The following SELENOF variants were observed in gnomAD, a reference collection of about 807,000 sequenced individuals.
SELENOF encodes the protein selenoprotein F.
A neutral mutation model predicts 20.5 loss-of-function variants in SELENOF; 16 were observed. That is an observed-to-expected ratio of 0.78 (90% CI 0.53 to 1.19). The LOEUF is 1.19. SELENOF is among the 50% of genes most tolerant of loss of function. The pLI is 0.00. For synonymous variants in SELENOF, 78 were observed against 74.5 expected (o/e 1.05, Z -0.24); for missense variants, 215 against 194.2 (o/e 1.11, Z -0.64).
At chr1:86,877,912 G>A (rs1570380707) in intron 3 of SELENOF, among the ~76,000 whole-genome samples, 1 of 152,062 alleles carries the variant, frequency 6.6e-6, no homozygotes, top group Admixed American at 6.6e-5. Flanking sequence ...GTCCTTTATA[G>A]AAAGTTTGCC....
chr1:86,870,276 A>AAG (rs956776163), intron 3 of SELENOF, among the ~76,000 whole-genome samples: 7 of 152,158 alleles, frequency 4.6e-5, no homozygotes, highest in African/African-American at 1.7e-4. Flanking sequence ...TATCTCACCT[A>AAG]ATCCTCCCCT....
intron 3 of SELENOF, among the ~76,000 whole-genome samples, chr1:86,878,081 T>C (rs1658970916): frequency 6.6e-6 from 1 of 152,172 alleles, no homozygotes; most frequent in Admixed American, 6.5e-5. Flanking sequence ...GAAATTATTA[T>C]AGACAGCCTT....
At chr1:86,903,032 G>A (rs1245968181) in intron 2 of SELENOF, among the ~76,000 whole-genome samples, 1 of 152,194 alleles carries the variant, frequency 6.6e-6, no homozygotes, top group Admixed American at 6.5e-5. Flanking sequence ...CAGGATCAAA[G>A]CATGTTATAG....
intron 3 of SELENOF, among the ~76,000 whole-genome samples, chr1:86,875,959 ATGT>A (rs1658913808): frequency 1.3e-5 from 2 of 152,242 alleles, no homozygotes; most frequent in South Asian, 4.1e-4. Context: ...AAGAGAAACC[ATGT>A]CATGGCGGGT....
intron 3 of SELENOF, among the ~76,000 whole-genome samples, chr1:86,874,838 T>C (rs148446491): frequency 3.3e-4 from 51 of 152,350 alleles, no homozygotes; most frequent in Middle Eastern, 3.4e-3. Flanking sequence ...AACAATGTCA[T>C]ACCATATCCA....
At chr1:86,863,859 G>T (rs1570367115) in intron 4 of SELENOF, among the ~76,000 whole-genome samples, 1 of 152,108 alleles carries the variant, frequency 6.6e-6, no homozygotes, top group East Asian at 1.9e-4. Context: ...CTGTCACCCA[G>T]GCTGCAGTGT....
chr1:86,911,228 C>T (rs1366128159), intron 1 of SELENOF, among the ~76,000 whole-genome samples: 2 of 152,198 alleles, frequency 1.3e-5, no homozygotes, highest in Non-Finnish European at 2.9e-5. Context: ...GAAGTGATTT[C>T]TCTACTAAGA....
chr1:86,900,643 G>A (rs1008916726), intron 2 of SELENOF, among the ~76,000 whole-genome samples: 1 of 151,358 alleles, frequency 6.6e-6, no homozygotes, highest in Non-Finnish European at 1.5e-5. Flanking sequence ...GGAGACCGTG[G>A]GGAAAGGGAG....
chr1:86,873,783 T>C (rs1658849269), intron 3 of SELENOF, among the ~76,000 whole-genome samples: 1 of 147,026 alleles, frequency 6.8e-6, no homozygotes, highest in Admixed American at 7.0e-5. Context: ...ACCCAGAAGG[T>C]GGAAGTTGTG....
chr1:86,876,378 G>A (rs1658924115), intron 3 of SELENOF, among the ~76,000 whole-genome samples: 1 of 152,086 alleles, frequency 6.6e-6, no homozygotes, highest in South Asian at 2.1e-4. Flanking sequence ...TTTTGGACAT[G>A]CTGTGTTTAA....
At chr1:86,899,662 G>T (rs1475167633) in intron 2 of SELENOF, among the ~76,000 whole-genome samples, 6 of 151,038 alleles carry the variant, frequency 4.0e-5, no homozygotes, top group African/African-American at 1.2e-4. Flanking sequence ...TCTCCCTCCC[G>T]GATGGGGCGG....
chr1:86,898,989 A>G (rs550557419), intron 2 of SELENOF, among the ~76,000 whole-genome samples: 3 of 151,884 alleles, frequency 2.0e-5, no homozygotes, highest in Non-Finnish European at 4.4e-5. Context: ...GATGACTCTT[A>G]AGGAGCATGC....
intron 3 of SELENOF, among the ~76,000 whole-genome samples, chr1:86,871,502 C>G (rs1350759286): frequency 1.3e-5 from 2 of 151,978 alleles, no homozygotes; most frequent in African/African-American, 4.8e-5. Context: ...CAAAATAGCC[C>G]CAAAGTCAAC....
intron 3 of SELENOF, among the ~76,000 whole-genome samples, chr1:86,872,953 T>C (rs958675113): frequency 1.3e-5 from 2 of 151,864 alleles, no homozygotes; most frequent in African/African-American, 4.8e-5. Context: ...GGCAGGAGAA[T>C]GGCGTGAACC....
intron 2 of SELENOF, among the ~76,000 whole-genome samples, chr1:86,898,464 T>C (rs930489082): frequency 1.1e-4 from 17 of 152,176 alleles, no homozygotes; most frequent in Admixed American, 2.6e-4. Context: ...CATCCTTAGA[T>C]AGACCTATAT....
intron 2 of SELENOF, 95 bp from the exon 3 acceptor site, chr1:86,880,820 T>C (rs2102088201): frequency 1.3e-6 from 1 of 761,834 alleles, no homozygotes; most frequent in East Asian, 3.0e-5. Flanking sequence ...ACATTACAGT[T>C]AGCAGATATA....
chr1:86,883,345 G>A (rs1181161433), intron 2 of SELENOF, among the ~76,000 whole-genome samples: 2 of 152,204 alleles, frequency 1.3e-5, no homozygotes, highest in African/African-American at 4.8e-5. Context: ...GGAAGACTCC[G>A]GAGAAAGATG....
intron 3 of SELENOF, among the ~76,000 whole-genome samples, chr1:86,872,633 G>A (rs1236869337): frequency 3.3e-5 from 5 of 150,728 alleles, no homozygotes; most frequent in Non-Finnish European, 5.9e-5. Context: ...CACCCGCCTC[G>A]GCCTTCCAAA....
intron 2 of SELENOF, among the ~76,000 whole-genome samples, chr1:86,885,470 A>AT (rs1318886371): frequency 6.6e-6 from 1 of 152,264 alleles, no homozygotes; most frequent in Middle Eastern, 3.4e-3. Flanking sequence ...CATTTTCTGA[A>AT]TTTTTTAAAA....
Sources: allele counts gnomAD v4.1 joint callset (sites outside exome capture counted in the v4.1 genomes callset), GRCh38; gene constraint gnomAD v4.1.1; transcripts MANE v1.5; gene names NCBI Gene and HGNC (gene_info 2026-07-23, HGNC 2026-07-21).